NRG1: variants seen among roughly 807,000 people sequenced by gnomAD.
NRG1 encodes neuregulin 1.
In NRG1, 18 loss-of-function variants were observed where a neutral mutation model predicts 63.8. The ratio of observed to expected loss-of-function variants is 0.28; its 90% CI spans 0.19 to 0.42. The LOEUF is 0.42. NRG1 is among the 10% of genes least tolerant of loss of function. NRG1 has a pLI of 1.00. For missense variants in NRG1, 762 were observed against 814.7 expected (o/e 0.94, Z 0.79); for synonymous variants, 302 against 301.3 (o/e 1.00, Z -0.02).
chr8:31,679,898 C>T (rs950956431), intron 1 of NRG1, among the ~76,000 whole-genome samples: 2 of 151,970 alleles, frequency 1.3e-5, no homozygotes, highest in Non-Finnish European at 2.9e-5. Context: ...AAATCAATTG[C>T]ATTTCTGTAC....
At chr8:32,291,409 TC>T (rs754277057) in intron 1 of NRG1, among the ~76,000 whole-genome samples, 1 of 152,086 alleles carries the variant, frequency 6.6e-6, no homozygotes, top group Non-Finnish European at 1.5e-5. Flanking sequence ...GTCTTTCTAA[TC>T]TTGAGTGTTT....
At chr8:32,581,780 T>G (rs1390367344) in intron 1 of NRG1, among the ~76,000 whole-genome samples, 1 of 152,170 alleles carries the variant, frequency 6.6e-6, no homozygotes, top group African/African-American at 2.4e-5. Context: ...GACAGAGAGT[T>G]CTCCTATACC....
At chr8:32,102,718 A>G (rs1355781148) in intron 1 of NRG1, among the ~76,000 whole-genome samples, 1 of 152,150 alleles carries the variant, frequency 6.6e-6, no homozygotes, top group Non-Finnish European at 1.5e-5. Flanking sequence ...ATGTCACAGG[A>G]CCTGGATTCA....
intron 1 of NRG1, among the ~76,000 whole-genome samples, chr8:32,454,612 C>G (rs1299024715): frequency 8.4e-6 from 1 of 119,472 alleles, no homozygotes; most frequent in East Asian, 3.0e-4. Context: ...TGGCTGCTCT[C>G]AAATTTTTGG....
At chr8:31,794,517 A>G (rs1028496369) in intron 1 of NRG1, among the ~76,000 whole-genome samples, 27 of 151,636 alleles carry the variant, frequency 1.8e-4, no homozygotes, top group Middle Eastern at 3.2e-3. Context: ...ACATAAAAAC[A>G]CACAAATGTT....
chr8:32,637,120 T>G (rs776226131), intron 5 of NRG1, among the ~76,000 whole-genome samples: 5 of 152,080 alleles, frequency 3.3e-5, no homozygotes, highest in African/African-American at 4.8e-5. Context: ...TTTTCAAACA[T>G]AGAGAAAAGG....
rs141681722 is a variant in NRG1, at chr8:32,267,113, G to GGGAA, written c.38-328699_38-328696dup. ...GAGAGAGAAAGGAAGGAAGGAAGGA[G>GGGAA]GGAAGGAAGGAAGGAAGGAGAAAGA... On this transcript the variant is annotated intron_variant, in intron 1 of 10. Transcript: ENST00000519301. Among the ~76,000 whole-genome samples, 5 of 136,314 alleles carry GGGAA rather than the reference G, an allele frequency of 3.7e-5. No homozygotes were observed. The South Asian group carries it at 9.5e-4, about 26-fold the overall frequency. The allele number at this position is 136,314 out of a possible 152,430, so 89.4% of individuals were successfully genotyped here. A position where few individuals can be genotyped will look rare whatever the true frequency, so the allele number is the denominator to read the frequency against.
chr8:31,939,283 A>T (rs1801402261), intron 1 of NRG1, among the ~76,000 whole-genome samples: 1 of 152,204 alleles, frequency 6.6e-6, no homozygotes, highest in South Asian at 2.1e-4. Context: ...AACAATTATT[A>T]GCCAAGAATT....
chr8:31,811,377 A>G (rs978429643), intron 1 of NRG1, among the ~76,000 whole-genome samples: 6 of 152,182 alleles, frequency 3.9e-5, no homozygotes, highest in African/African-American at 1.4e-4. Context: ...TATTAATCCC[A>G]TCTACTTTCA....
At chr8:31,664,690 G>A (rs1806344295) in intron 1 of NRG1, among the ~76,000 whole-genome samples, 1 of 152,102 alleles carries the variant, frequency 6.6e-6, no homozygotes, top group African/African-American at 2.4e-5. Flanking sequence ...GGATGGAACG[G>A]TGTGTAGCGG....
At chr8:32,007,610 G>C (rs958332245) in intron 1 of NRG1, among the ~76,000 whole-genome samples, 3 of 152,016 alleles carry the variant, frequency 2.0e-5, no homozygotes, top group Non-Finnish European at 4.4e-5. Flanking sequence ...AATGTCCTCG[G>C]CCAGTTCATG....
At chr8:32,705,703 T>G (rs1816224917) in intron 5 of NRG1, among the ~76,000 whole-genome samples, 1 of 152,196 alleles carries the variant, frequency 6.6e-6, no homozygotes. Flanking sequence ...ATCTTAAATA[T>G]GAAAATGTTT....
At chr8:31,830,024 T>G (rs1416349301) in intron 1 of NRG1, among the ~76,000 whole-genome samples, 2 of 152,348 alleles carry the variant, frequency 1.3e-5, no homozygotes, top group African/African-American at 2.4e-5. Context: ...AAACTTTTCT[T>G]TCTGGTGAGT....
intron 1 of NRG1, among the ~76,000 whole-genome samples, chr8:31,694,695 G>A (rs1809878777): frequency 6.6e-6 from 1 of 152,126 alleles, no homozygotes; most frequent in Non-Finnish European, 1.5e-5. Flanking sequence ...GGACATTTGC[G>A]GCATCTAACC....
chr8:32,653,795 A>G (rs147047029), intron 5 of NRG1, among the ~76,000 whole-genome samples: 10 of 152,314 alleles, frequency 6.6e-5, no homozygotes, highest in Non-Finnish European at 1.5e-4. Context: ...ACGGACAAAG[A>G]CTAGAATCTG....
At chr8:31,716,998 G>A (rs1812412442) in intron 1 of NRG1, among the ~76,000 whole-genome samples, 2 of 152,152 alleles carry the variant, frequency 1.3e-5, no homozygotes. Flanking sequence ...TGGCTGAAGT[G>A]GTAATAAAAG....
intron 1 of NRG1, among the ~76,000 whole-genome samples, chr8:32,555,216 C>T (rs1834896303): frequency 1.3e-5 from 2 of 152,136 alleles, no homozygotes; most frequent in Non-Finnish European, 2.9e-5. Flanking sequence ...CAACAGCTCC[C>T]TCCCACTGAA....
chr8:32,415,452 C>T (rs1317573302), intron 1 of NRG1, among the ~76,000 whole-genome samples: 4 of 148,498 alleles, frequency 2.7e-5, no homozygotes, highest in African/African-American at 9.9e-5. Context: ...AATCACAATA[C>T]ATTTATGTCT....
At chr8:32,284,983 C>T (rs1448078524) in intron 1 of NRG1, among the ~76,000 whole-genome samples, 1 of 152,202 alleles carries the variant, frequency 6.6e-6, no homozygotes, top group Non-Finnish European at 1.5e-5. Flanking sequence ...TTTTCCTTTG[C>T]ACCTGAAGCA....
Sources: allele counts gnomAD v4.1 joint callset (sites outside exome capture counted in the v4.1 genomes callset), GRCh38; gene constraint gnomAD v4.1.1; transcripts MANE v1.5; gene names NCBI Gene and HGNC (gene_info 2026-07-23, HGNC 2026-07-21).